LUZP4: variants seen among roughly 807,000 people sequenced by gnomAD.
LUZP4 encodes the protein leucine zipper protein 4, also known as HOM-TES-85 tumor antigen.
A neutral mutation model predicts 8.5 loss-of-function variants in LUZP4; 11 were observed. The ratio of observed to expected loss-of-function variants is 1.30; its 90% CI spans 0.82 to 2.14. The LOEUF is 2.14. Among genes scored for constraint, LUZP4 ranks in the 30% most tolerant of loss-of-function variants. The probability of loss-of-function intolerance (pLI) is 0.00; values close to 1 mark genes in which losing one functional copy is unlikely to be tolerated. For missense variants in LUZP4, 276 were observed against 229.7 expected (o/e 1.20, Z -1.30); for synonymous variants, 104 against 79.4 (o/e 1.31, Z -1.65).
At position 115,303,301 on chromosome X, in the gene LUZP4, C is replaced by T. The variant is rs377534539; in HGVS notation, c.225C>T (p.Gly75=). 34 of 1,067,494 alleles carry T rather than the reference C, an allele frequency of 3.2e-5. No individual in the cohort carries two copies. Among genetic ancestry groups the T allele is most frequent in the Middle Eastern group, 2.5e-4 (1 of 4,029 alleles). The allele number at this position is 1,067,494 out of a possible 1,213,427, so 88.0% of individuals were successfully genotyped here. A position where few individuals can be genotyped will look rare whatever the true frequency, so the allele number is the denominator to read the frequency against. Residue 75 remains glycine (G), a splice_region_variant and synonymous_variant, in exon 3 of 4, where the codon GGC becomes GGT. Transcript: ENST00000371920. The part of the protein sequence containing the change: ...SKAHRHRHRR[G]YSRCRSNSEE... ...ACAGAAAATATTTATTTTTCAAAGG[C>T]TACTCAAGATGCAGAAGCAACTCTG...
At position 115,307,222 on chromosome X, in the gene LUZP4, T is replaced by G. The variant is rs887538986; in HGVS notation, c.*418T>G. 3.4e-5 allele frequency: 5 copies of G among 145,103 alleles called. No homozygotes were observed. Among genetic ancestry groups the G allele is most frequent in the Non-Finnish European group, 5.5e-5 (4 of 72,984 alleles). The allele number at this position is 145,103 out of a possible 1,213,427, so 12.0% of individuals were successfully genotyped here. On this transcript the variant is annotated 3_prime_UTR_variant, in exon 4 of 4. Coordinates refer to ENST00000371920, the MANE Select transcript of LUZP4 (RefSeq NM_016383.5). ...ATTGATAATATATAATCTATGATAA[T>G]GAATATCTCTTTTGTGTCTCCTTCC...
Position 115,306,244 on chromosome X carries a change from A to G in LUZP4, c.382A>G (p.Asn128Asp), listed in dbSNP as rs200814182. ...CAATTATGAGGCCCAAGCAGAGAAGAATCAAGGCCAGTCAGAGGGGAACCA... is the reference window on the plus strand; with the variant it reads ...CAATTATGAGGCCCAAGCAGAGAAGGATCAAGGCCAGTCAGAGGGGAACCA... Reference protein sequence around the residue: ...SDNYEAQAEKNQGQSEGNQHQ... With the variant: ...SDNYEAQAEKDQGQSEGNQHQ... The change falls in exon 4 of 4, where the codon AAT (asparagine) becomes GAT (aspartate). Residue 128 changes from asparagine to aspartate, a missense_variant. Transcript: ENST00000371920. 57 of 1,208,142 alleles carry G rather than the reference A, an allele frequency of 4.7e-5. 1 individual carries two copies. The East Asian group carries it at 1.6e-3, about 33-fold the overall frequency.
Position 115,300,741 on chromosome X carries a change from C to A in LUZP4, c.92-1251C>A, listed in dbSNP as rs192683595. Among the ~76,000 whole-genome samples, 202 of 111,173 alleles carry A rather than the reference C, an allele frequency of 1.8e-3. 1 individual carries two copies. The highest frequency in any genetic ancestry group is 6.2e-3 in the African/African-American group (189 of 30,541). On this transcript the variant is annotated intron_variant, in intron 1 of 3. Coordinates refer to ENST00000371920, the MANE Select transcript of LUZP4 (RefSeq NM_016383.5). ...ATGCCTCATGATTGCTGTGTTCTTC[C>A]TTCCCCAGTGCCCAGAGATGCTCTT...
chrX:115,289,949 A>G, intron 1 of LUZP4, 99 bp downstream of exon 1: 1 of 562,274 alleles, frequency 1.8e-6, no homozygotes, highest in Non-Finnish European at 2.9e-6. Flanking sequence ...GTCGGGAGGA[A>G]CACACCAGTT....
intron 1 of LUZP4, 128 bp from the exon 2 acceptor site, chrX:115,301,864 A>G (rs1192482034): frequency 2.1e-5 from 7 of 340,592 alleles, no homozygotes; most frequent in Non-Finnish European, 3.5e-5. Flanking sequence ...TATTATTATT[A>G]TTATCATTTT....
At chrX:115,301,698 T>C (rs2073397943) in intron 1 of LUZP4, among the ~76,000 whole-genome samples, 1 of 112,330 alleles carries the variant, frequency 8.9e-6, no homozygotes, top group African/African-American at 3.2e-5. Flanking sequence ...GTAAAATCAT[T>C]TATTTAGATG....
At chrX:115,292,694 T>A (rs187900353) in intron 1 of LUZP4, among the ~76,000 whole-genome samples, 81 of 111,329 alleles carry the variant, frequency 7.3e-4, no homozygotes, top group African/African-American at 2.5e-3. Context: ...CCTTGACTTG[T>A]TTCTGATCTT....
Position 115,302,104 on chromosome X carries a change from T to C in LUZP4, c.204T>C (p.His68=), listed in dbSNP as rs1456432952. 4.2e-6 allele frequency: 5 copies of C among 1,189,963 alleles called. No individual in the cohort carries two copies. Among genetic ancestry groups the C allele is most frequent in the Non-Finnish European group, 5.6e-6 (5 of 887,581 alleles). The change falls in exon 2 of 4, where the codon CAT becomes CAC. Residue 68 remains histidine (H), a synonymous_variant. Coordinates refer to ENST00000371920, the MANE Select transcript of LUZP4 (RefSeq NM_016383.5). The stretch of plus-strand genomic sequence containing the variant: ...CTTCAAGACAGCAATCAAAAGCTCA[T>C]AGACATCGCCATCGGAGAGGTAAAG... ...ESPSRQQSKA[H]RHRHRRGYSR... is the part of the protein sequence containing the mutation.
At chrX:115,300,920 GT>G (rs1345320457) in intron 1 of LUZP4, among the ~76,000 whole-genome samples, 2 of 111,009 alleles carry the variant, frequency 1.8e-5, no homozygotes, top group African/African-American at 3.3e-5. Flanking sequence ...TTATGAAGGT[GT>G]TTTTTTCTGT....
chrX:115,298,900 T>C (rs1226906303), intron 1 of LUZP4, among the ~76,000 whole-genome samples: 1 of 111,511 alleles, frequency 9.0e-6, no homozygotes, highest in Non-Finnish European at 1.9e-5. Flanking sequence ...TAGGTATTTA[T>C]TGTAGTCTTC....
intron 1 of LUZP4, among the ~76,000 whole-genome samples, chrX:115,295,079 T>G (rs1220175447): frequency 9.0e-6 from 1 of 111,539 alleles, no homozygotes; most frequent in Admixed American, 9.5e-5. Flanking sequence ...ATTTTATTTT[T>G]ACTTTTATTT....
In LUZP4 at chrX:115,306,431, C is replaced by T. The variant is rs781989500; in HGVS notation, c.569C>T (p.Ser190Phe). The T allele has an allele frequency of 4.9e-5, 59 of 1,209,652 alleles. No individual in the cohort carries two copies. The South Asian group carries it at 1.0e-3, about 21-fold the overall frequency. ...LKRHHPQYER[S>F]HGQYKRSHGQ... Reference sequence around the variant, plus strand: ...AGACATCATCCCCAATATGAGAGATCTCATGGCCAATACAAGAGATCTCAT... The same window carrying T: ...AGACATCATCCCCAATATGAGAGATTTCATGGCCAATACAAGAGATCTCAT... The change falls in exon 4 of 4, where the codon TCT becomes TTT. Residue 190 changes from serine to phenylalanine, a missense_variant. Physicochemically the swap from Ser to Phe is radical, Grantham distance 155. Coordinates refer to ENST00000371920, the MANE Select transcript of LUZP4 (RefSeq NM_016383.5).
intron 1 of LUZP4, 38 bp downstream of exon 1, chrX:115,289,888 G>A: frequency 1.9e-6 from 2 of 1,033,675 alleles, no homozygotes; most frequent in Non-Finnish European, 2.7e-6. Context: ...ACTAGTTTGG[G>A]CTCACTGGTC....
chrX:115,299,127 C>A lies in LUZP4; in HGVS notation c.92-2865C>A, dbSNP rs782174920. 6.3e-5 allele frequency among the ~76,000 whole-genome samples: 7 copies of A among 111,420 alleles called. No homozygotes were observed. In the South Asian group the frequency reaches 2.7e-3, roughly 43 times the overall value. On this transcript the variant is annotated intron_variant, in intron 1 of 3. Transcript: ENST00000371920. The stretch of plus-strand genomic sequence containing the variant: ...ACCAGGCAGAGACTCTTGTTCTTTT[C>A]CCTTATTTTCTCCTAAACAAACAGA...
At position 115,299,824 on chromosome X, in the gene LUZP4, A is replaced by C. The variant is rs5988248; in HGVS notation, c.92-2168A>C. Among the ~76,000 whole-genome samples, 1,107 of 111,591 alleles carry C rather than the reference A, an allele frequency of 9.9e-3. 11 individuals carry two copies. Among genetic ancestry groups the C allele is most frequent in the African/African-American group, 0.034 (1,034 of 30,715 alleles). Reference sequence around the variant, plus strand: ...GGTACCTGAAGCCAGCAAGTCTCGGAGTCTCATCCAAGGCTCTCAACATAG... The same window carrying C: ...GGTACCTGAAGCCAGCAAGTCTCGGCGTCTCATCCAAGGCTCTCAACATAG... On this transcript the variant is annotated intron_variant, in intron 1 of 3. Coordinates refer to ENST00000371920, the MANE Select transcript of LUZP4 (RefSeq NM_016383.5).
Position 115,303,396 on chromosome X carries a change from A to T in LUZP4, c.320A>T (p.Asn107Ile). ...TTCAAGTCTGGACAACACCCTTTAA[A>T]TGGGCAGCCTTTAATTGAGCAGGTA... ...SGFKSGQHPL[N>I]GQPLIEQEKC... Residue 107 changes from asparagine (N) to isoleucine (I), a missense_variant, in exon 3 of 4, where the codon AAT becomes ATT. Physicochemically the swap from Asn to Ile is moderately radical, Grantham distance 149 (BLOSUM62 -3). Transcript: ENST00000371920. The T allele has an allele frequency of 8.6e-7, 1 of 1,168,380 alleles. No individual in the cohort carries two copies. Among genetic ancestry groups the T allele is most frequent in the Non-Finnish European group, 1.2e-6 (1 of 868,636 alleles).
In LUZP4 at chrX:115,303,297, A is replaced by C; in HGVS notation, c.224-3A>C. On this transcript the variant is annotated splice_polypyrimidine_tract_variant and splice_region_variant and intron_variant, in intron 2 of 3. Coordinates refer to ENST00000371920, the MANE Select transcript of LUZP4 (RefSeq NM_016383.5). Reference sequence around the variant, plus strand: ...AAATACAGAAAATATTTATTTTTCAAAGGCTACTCAAGATGCAGAAGCAAC... The same window carrying C: ...AAATACAGAAAATATTTATTTTTCACAGGCTACTCAAGATGCAGAAGCAAC... 1 of 1,028,462 alleles carries C rather than the reference A, an allele frequency of 9.7e-7. No individual in the cohort carries two copies. The highest frequency in any genetic ancestry group is 1.3e-6 in the Non-Finnish European group (1 of 747,351). 84.8% of individuals were successfully genotyped at this position (1,028,462 alleles called of 1,213,427 possible).
At chrX:115,294,863 C>T (rs2073363887) in intron 1 of LUZP4, among the ~76,000 whole-genome samples, 1 of 111,526 alleles carries the variant, frequency 9.0e-6, no homozygotes, top group Admixed American at 9.5e-5. Context: ...TTAAGTATGA[C>T]TGTAAGATCT....
At chrX:115,291,360 A>G (rs2073348415) in intron 1 of LUZP4, among the ~76,000 whole-genome samples, 1 of 111,389 alleles carries the variant, frequency 9.0e-6, no homozygotes, top group Admixed American at 9.5e-5. Context: ...CGGCCTCCCA[A>G]AATGATGGGA....
Sources: allele counts gnomAD v4.1 joint callset (sites outside exome capture counted in the v4.1 genomes callset), GRCh38; gene constraint gnomAD v4.1.1; transcripts MANE v1.5; gene names NCBI Gene and HGNC (gene_info 2026-07-23, HGNC 2026-07-21).